The following MTRES1 variants were observed in gnomAD, a reference collection of about 807,000 sequenced individuals.
The protein encoded by MTRES1 is mitochondrial transcription rescue factor 1, also known as uncharacterized protein C6orf203.
Under a neutral mutation model 17.4 loss-of-function variants are expected in MTRES1, and 11 were observed. That is an observed-to-expected ratio of 0.63 (90% CI 0.40 to 1.05). The LOEUF (loss-of-function observed/expected upper bound fraction) is 1.05. Among genes scored for constraint, MTRES1 ranks in the 50% least tolerant of loss-of-function variants. The probability of loss-of-function intolerance (pLI) is 0.00; values close to 1 mark genes in which losing one functional copy is unlikely to be tolerated. For missense variants in MTRES1, 268 were observed against 276.2 expected, an observed-to-expected ratio of 0.97 and a Z score of 0.21; for synonymous variants, 94 against 99.6, an observed-to-expected ratio of 0.94 and a Z score of 0.34.
intron 3 of MTRES1, among the ~76,000 whole-genome samples, chr6:107,047,373 A>C (rs1275881111): frequency 6.6e-6 from 1 of 151,504 alleles, no homozygotes; most frequent in African/African-American, 2.4e-5. Context: ...CAGGCACACC[A>C]CCACGTCTGG....
chr6:107,041,904 C>G (rs1348618339), intron 2 of MTRES1, among the ~76,000 whole-genome samples: 1 of 152,178 alleles, frequency 6.6e-6, no homozygotes, highest in South Asian at 2.1e-4. Context: ...TTCATTTATT[C>G]CCTTAGGAAT....
rs1554227362 is a variant in MTRES1 at position 107,039,753 on chromosome 6, T to C, written c.-8T>C. On this transcript the variant is annotated 5_prime_UTR_variant, in exon 2 of 4. Coordinates refer to ENST00000311381, the MANE Select transcript of MTRES1 (RefSeq NM_016487.5). ...CTGATTTATTATCTGTTTCAGATTA[T>C]AAGCGCCATGGCTATGGCTAGTGTT... 1 of 1,585,182 alleles carries C rather than the reference T, an allele frequency of 6.3e-7. No individual in the cohort carries two copies.
At chr6:107,029,942 T>C (rs569153042) in intron 1 of MTRES1, 223 of 636,112 alleles carry the variant, frequency 3.5e-4, no homozygotes, top group Non-Finnish European at 4.5e-4. Context: ...CCTGCTCCAC[T>C]TTCTTCCCCC....
chr6:107,051,480 C>G lies in MTRES1; in HGVS notation c.*244C>G, dbSNP rs539974876. On this transcript the variant is annotated 3_prime_UTR_variant, in exon 4 of 4. Transcript: ENST00000311381. ...TGAGAACCCCTTTGCCAGAGTGAGA[C>G]GTGTGCAGAATGAACTAAGCCCCAG... 2.4e-6 allele frequency: 1 copy of G among 418,512 alleles called. No homozygotes were observed. Among genetic ancestry groups the G allele is most frequent in the Non-Finnish European group, 4.3e-6 (1 of 232,550 alleles). 25.9% of individuals were successfully genotyped at this position (418,512 alleles called of 1,614,324 possible).
intron 2 of MTRES1, among the ~76,000 whole-genome samples, chr6:107,043,404 G>A (rs1554228023): frequency 2.6e-5 from 4 of 152,012 alleles, no homozygotes; most frequent in South Asian, 2.1e-4. Context: ...AACAGTGTGG[G>A]GGTTAGGGGT....
chr6:107,037,389 A>G (rs73519734), intron 1 of MTRES1, among the ~76,000 whole-genome samples: 4,067 of 151,568 alleles, frequency 0.027, 203 homozygotes, highest in African/African-American at 0.095. Flanking sequence ...TTTCGTACTA[A>G]AAGTAGAGAT....
chr6:107,033,089 G>A (rs559896890), intron 1 of MTRES1, among the ~76,000 whole-genome samples: 3 of 152,262 alleles, frequency 2.0e-5, no homozygotes, highest in Admixed American at 2.0e-4. Context: ...CTATAGTAAT[G>A]GGCAGGATGC....
chr6:107,032,935 T>G (rs1554226605), intron 1 of MTRES1, among the ~76,000 whole-genome samples: 1 of 152,188 alleles, frequency 6.6e-6, no homozygotes. Flanking sequence ...CCGGACCTGC[T>G]TTCACATCTG....
intron 3 of MTRES1, among the ~76,000 whole-genome samples, chr6:107,048,740 A>T (rs1285944465): frequency 1.4e-5 from 2 of 145,798 alleles, no homozygotes; most frequent in Non-Finnish European, 3.0e-5. Flanking sequence ...AGATCACACC[A>T]CTGCACTCCA....
intron 2 of MTRES1, among the ~76,000 whole-genome samples, chr6:107,041,366 GT>G (rs112827020): frequency 0.71 from 107,481 of 151,572 alleles, 38,860 homozygotes; most frequent in Non-Finnish European, 0.77. Flanking sequence ...ACAGAACCTA[GT>G]TTAGAGAGTG....
chr6:107,043,091 G>A (rs1192770138), intron 2 of MTRES1, among the ~76,000 whole-genome samples: 6 of 152,110 alleles, frequency 3.9e-5, no homozygotes, highest in African/African-American at 1.4e-4. Context: ...CAGCACTTTG[G>A]GAGGCTGAGG....
intron 3 of MTRES1, among the ~76,000 whole-genome samples, chr6:107,046,007 G>T (rs1244252740): frequency 4.6e-5 from 7 of 152,180 alleles, no homozygotes; most frequent in Non-Finnish European, 7.4e-5. Flanking sequence ...GCAGGTTCTT[G>T]TAGCTCTGTG....
In MTRES1 at chr6:107,039,967, G is replaced by A. The variant is rs1774142052; in HGVS notation, c.207G>A (p.Gly69=). 1 of 1,613,840 alleles carries A rather than the reference G, an allele frequency of 6.2e-7. No individual in the cohort carries two copies. Among genetic ancestry groups the A allele is most frequent in the East Asian group, 2.2e-5 (1 of 44,878 alleles). ...ATATTTTCTCACTGAGACTCCCAGG[G>A]CTTTTACTATCTCCAGAATGTATTT... ...FYNIFSLRLP[G]LLLSPECIFP... The change falls in exon 2 of 4, where the codon GGG becomes GGA. Residue 69 remains glycine, a synonymous_variant. Transcript: ENST00000311381.
At chr6:107,031,285 T>C (rs868936782) in intron 1 of MTRES1, among the ~76,000 whole-genome samples, 1 of 145,636 alleles carries the variant, frequency 6.9e-6, no homozygotes, top group African/African-American at 2.6e-5. Flanking sequence ...GAGGCTGAGG[T>C]GGGAGACTAT....
intron 1 of MTRES1, among the ~76,000 whole-genome samples, chr6:107,031,082 T>C (rs1554226357): frequency 1.3e-5 from 2 of 151,964 alleles, no homozygotes; most frequent in Admixed American, 6.6e-5. Flanking sequence ...CGCTCCAACT[T>C]TAAGATATCA....
At chr6:107,032,322 A>T (rs1479978049) in intron 1 of MTRES1, among the ~76,000 whole-genome samples, 1 of 152,168 alleles carries the variant, frequency 6.6e-6, no homozygotes, top group East Asian at 1.9e-4. Context: ...GGGAACTGCC[A>T]TTTAAGTGGA....
At chr6:107,036,097 G>T (rs1339345015) in intron 1 of MTRES1, among the ~76,000 whole-genome samples, 1 of 152,086 alleles carries the variant, frequency 6.6e-6, no homozygotes, top group Admixed American at 6.6e-5. Context: ...TAATTTAAAT[G>T]TATTATTAAT....
chr6:107,035,418 C>A (rs1554226847), intron 1 of MTRES1, among the ~76,000 whole-genome samples: 1 of 152,042 alleles, frequency 6.6e-6, no homozygotes, highest in African/African-American at 2.4e-5. Context: ...CATGAGCCAC[C>A]TAAGTAAAAC....
At chr6:107,040,303 T>C in intron 2 of MTRES1, 73 bp downstream of exon 2, 1 of 1,370,588 alleles carries the variant, frequency 7.3e-7, no homozygotes, top group East Asian at 2.4e-5. Flanking sequence ...ACAAATCACT[T>C]GGCCCATATT....
Sources: allele counts gnomAD v4.1 joint callset (sites outside exome capture counted in the v4.1 genomes callset), GRCh38; gene constraint gnomAD v4.1.1; transcripts MANE v1.5; gene names NCBI Gene and HGNC (gene_info 2026-07-23, HGNC 2026-07-21).